Variants in NINL observed in about 807,000 individuals in gnomAD.
The protein encoded by NINL is ninein like, also known as ninein-like protein.
NINL carries 153 observed loss-of-function variants against 160.3 expected under a neutral mutation model. The observed-to-expected ratio is 0.95, with a 90% CI of 0.84 to 1.09. NINL has a LOEUF of 1.09. Among genes scored for constraint, NINL ranks in the 50% least tolerant of loss-of-function variants. The pLI, the probability that NINL is intolerant of heterozygous loss-of-function variation, is 0.00. For synonymous variants in NINL, 800 were observed against 734.8 expected, an observed-to-expected ratio of 1.09 and a Z score of -1.43; for missense variants, 1,829 against 1,764.0, an observed-to-expected ratio of 1.04 and a Z score of -0.66.
chr20:25,523,444 G>A (rs1466993473), intron 2 of NINL, among the ~76,000 whole-genome samples: 1 of 152,008 alleles, frequency 6.6e-6, no homozygotes, highest in Admixed American at 6.6e-5. Context: ...GTAGAGACGA[G>A]GTCTCACTCT....
At chr20:25,499,294 C>T (rs2063821156) in intron 8 of NINL, 2 of 933,882 alleles carry the variant, frequency 2.1e-6, no homozygotes, top group Non-Finnish European at 2.6e-6. Context: ...GCCACAGCAG[C>T]CTGAGGTCAG....
chr20:25,583,167 A>G (rs931197508), intron 1 of NINL, among the ~76,000 whole-genome samples: 2 of 152,136 alleles, frequency 1.3e-5, no homozygotes, highest in Non-Finnish European at 1.5e-5. Context: ...AGCAAAAGAA[A>G]CTCTTCAGAG....
chr20:25,528,410 C>A lies in NINL; in HGVS notation c.-11-1812G>T, dbSNP rs567788046. 3.3e-5 allele frequency among the ~76,000 whole-genome samples: 5 copies of A among 152,206 alleles called. No individual in the cohort carries two copies. The East Asian group carries it at 9.6e-4, about 29-fold the overall frequency. The stretch of plus-strand genomic sequence containing the variant: ...AAAAACTTTATAATAATAGTAATAA[C>A]TAATCTACTTACTGGTCACTTTACA... On this transcript the variant is annotated intron_variant, in intron 1 of 23. Coordinates refer to ENST00000278886, the MANE Select transcript of NINL (RefSeq NM_025176.6).
intron 23 of NINL, among the ~76,000 whole-genome samples, chr20:25,454,737 G>A (rs994946278): frequency 1.6e-4 from 25 of 152,134 alleles, no homozygotes; most frequent in African/African-American, 5.1e-4. Context: ...CCCACACCCT[G>A]TGCCATCAGC....
Position 25,480,207 on chromosome 20 carries a change from T to C in NINL, c.1871A>G (p.Gln624Arg). 1 of 1,614,102 alleles carries C rather than the reference T, an allele frequency of 6.2e-7. No individual in the cohort carries two copies. The highest frequency in any genetic ancestry group is 8.5e-7 in the Non-Finnish European group (1 of 1,180,006). ...VSIETELMME[Q>R]VKEHYQDLRT... ...GAGGTCTTGGTAATGCTCCTTTACC[T>C]GCTCCATCATCAGCTCCGTTTCTAT... is the stretch of plus-strand genomic sequence containing the variant. The change falls in exon 15 of 24, where the codon CAG (glutamine) becomes CGG (arginine). Residue 624 changes from glutamine (Q) to arginine (R), a missense_variant. Coordinates refer to ENST00000278886, the MANE Select transcript of NINL (RefSeq NM_025176.6).
chr20:25,519,521 T>C (rs2064224675), intron 2 of NINL, among the ~76,000 whole-genome samples: 1 of 151,972 alleles, frequency 6.6e-6, no homozygotes, highest in African/African-American at 2.4e-5. Context: ...ACATTAATTC[T>C]TTTTTTACAA....
rs1436639260 is a variant in NINL, at chr20:25,548,055, T to TGGGC, written c.-11-21461_-11-21458dup. Among the ~76,000 whole-genome samples, 9 of 152,354 alleles carry TGGGC rather than the reference T, an allele frequency of 5.9e-5. No individual in the cohort carries two copies. The East Asian group carries it at 1.7e-3, about 29-fold the overall frequency. On this transcript the variant is annotated intron_variant, in intron 1 of 23. Coordinates refer to ENST00000278886, the MANE Select transcript of NINL (RefSeq NM_025176.6). ...GGACAGCTATACTCCTGGGATCCAC[T>TGGGC]GGGCAGATGCACTGCAATGCTGGTC...
intron 10 of NINL, among the ~76,000 whole-genome samples, chr20:25,493,797 A>C (rs1315395229): frequency 6.6e-6 from 1 of 151,932 alleles, no homozygotes; most frequent in Non-Finnish European, 1.5e-5. Context: ...AATGCCTTCC[A>C]GGCTCAGGGC....
intron 2 of NINL, 26 bp downstream of exon 2, chr20:25,526,382 T>C: frequency 6.3e-7 from 1 of 1,588,864 alleles, no homozygotes; most frequent in Non-Finnish European, 8.6e-7. Flanking sequence ...GTGCTTTCCT[T>C]TATGACAATG....
intron 1 of NINL, among the ~76,000 whole-genome samples, chr20:25,538,615 G>A (rs2064602707): frequency 6.6e-6 from 1 of 152,160 alleles, no homozygotes; most frequent in Admixed American, 6.5e-5. Flanking sequence ...GCATGGACAT[G>A]GCCTGGCCCC....
chr20:25,567,822 C>A (rs2065012324), intron 1 of NINL, among the ~76,000 whole-genome samples: 1 of 151,980 alleles, frequency 6.6e-6, no homozygotes, highest in Non-Finnish European at 1.5e-5. Flanking sequence ...AACAACACAT[C>A]ATTTCTCAAT....
intron 19 of NINL, among the ~76,000 whole-genome samples, chr20:25,463,157 G>A (rs989907202): frequency 1.3e-5 from 2 of 151,976 alleles, no homozygotes; most frequent in Non-Finnish European, 2.9e-5. Flanking sequence ...CACCAGTGCC[G>A]AGGACAGAAA....
At position 25,476,957 on chromosome 20, in the gene NINL, C is replaced by T; in HGVS notation, c.2334G>A (p.Gln778=). 6.2e-7 allele frequency: 1 copy of T among 1,609,476 alleles called. No homozygotes were observed. Among genetic ancestry groups the T allele is most frequent in the South Asian group, 1.1e-5 (1 of 91,046 alleles). The change falls in exon 17 of 24, where the codon CAG becomes CAA. Residue 778 remains glutamine (Q), a synonymous_variant. Coordinates refer to ENST00000278886, the MANE Select transcript of NINL (RefSeq NM_025176.6). ...GCTTCAGTGCCCTCTCCAGCTCCAG[C>T]TGCTCCGACCTCTGGCTCCCGCGTG... ...PLPRGSQRSE[Q]LELERALKLQ...
chr20:25,511,368 G>A (rs577164127), intron 4 of NINL, among the ~76,000 whole-genome samples: 9 of 152,246 alleles, frequency 5.9e-5, no homozygotes, highest in East Asian at 1.9e-4. Context: ...CAAGAAACAC[G>A]CGACTTAAGT....
chr20:25,555,317 C>T (rs376011632), intron 1 of NINL, among the ~76,000 whole-genome samples: 4 of 152,220 alleles, frequency 2.6e-5, no homozygotes, highest in East Asian at 3.9e-4. Flanking sequence ...ACACACCTGC[C>T]GAGGCTCCTA....
intron 18 of NINL, among the ~76,000 whole-genome samples, chr20:25,469,446 C>A (rs1433597475): frequency 2.0e-5 from 3 of 149,138 alleles, no homozygotes; most frequent in Non-Finnish European, 3.0e-5. Context: ...ACTGCCCTGT[C>A]CCCTGACTCT....
intron 1 of NINL, among the ~76,000 whole-genome samples, chr20:25,570,329 G>A (rs1015709785): frequency 5.9e-5 from 9 of 152,282 alleles, no homozygotes; most frequent in Admixed American, 3.9e-4. Context: ...TTGTGGGGGC[G>A]GTTTCTCATG....
intron 18 of NINL, among the ~76,000 whole-genome samples, chr20:25,468,338 A>G (rs1179018672): frequency 7.6e-6 from 1 of 131,738 alleles, no homozygotes; most frequent in East Asian, 2.3e-4. Context: ...CCCAACTCTC[A>G]CTGGTGGCCT....
In NINL at chr20:25,479,206, C is replaced by A. The variant is rs767987874; in HGVS notation, c.1918G>T (p.Val640Leu). Reference protein sequence around the residue: ...QDLRTQLETKVNYYEREIAAL... With the variant: ...QDLRTQLETKLNYYEREIAAL... ...GCAATTTCCCTTTCGTAGTAATTTA[C>A]CTAAAACGAGAAACATGAGCCCCGT... is the stretch of plus-strand genomic sequence containing the variant. Residue 640 changes from valine to leucine, a missense_variant and splice_region_variant, in exon 16 of 24, where the codon GTA becomes TTA. Transcript: ENST00000278886. 25 of 1,600,546 alleles carry A rather than the reference C, an allele frequency of 1.6e-5. No individual in the cohort carries two copies. The Admixed American group carries it at 4.3e-4, about 27-fold the overall frequency.
Sources: allele counts gnomAD v4.1 joint callset (sites outside exome capture counted in the v4.1 genomes callset), GRCh38; gene constraint gnomAD v4.1.1; transcripts MANE v1.5; gene names NCBI Gene and HGNC (gene_info 2026-07-23, HGNC 2026-07-21).